The following TSPAN11 variants were observed in gnomAD, a reference collection of about 807,000 sequenced individuals.
TSPAN11 encodes tetraspanin 11.
In TSPAN11, 29 loss-of-function variants were observed where a neutral mutation model predicts 32.9. That is an observed-to-expected ratio of 0.88 (90% CI 0.66 to 1.20). The LOEUF is 1.20. Among genes scored for constraint, TSPAN11 ranks in the 50% most tolerant of loss-of-function variants. The pLI, the probability that TSPAN11 is intolerant of heterozygous loss-of-function variation, is 0.00. For synonymous variants in TSPAN11, 140 were observed against 141.3 expected, an observed-to-expected ratio of 0.99 and a Z score of 0.07; for missense variants, 283 against 329.1, an observed-to-expected ratio of 0.86 and a Z score of 1.08.
chr12:31,006,805 A>G, the TSPAN11 span, among the ~76,000 whole-genome samples: 1 of 152,258 alleles, frequency 6.6e-6, no homozygotes, highest in African/African-American at 2.4e-5. Context: ...TTAGCCCAGT[A>G]TCCCTATGGC....
At chr12:30,935,217 TCTC>T (rs1242299622) in intron 1 of TSPAN11, among the ~76,000 whole-genome samples, 1 of 151,854 alleles carries the variant, frequency 6.6e-6, no homozygotes, top group African/African-American at 2.4e-5. Context: ...GAGTGGCTCT[TCTC>T]CACAGAAATC....
chr12:31,007,560 G>C, the TSPAN11 span, among the ~76,000 whole-genome samples: 7 of 152,118 alleles, frequency 4.6e-5, no homozygotes, highest in East Asian at 1.9e-4. Flanking sequence ...TCCTGGGGTT[G>C]GGTGTCACTG....
At chr12:31,001,457 G>A (rs1021793548), downstream of TSPAN11, among the ~76,000 whole-genome samples, 1 of 152,166 alleles carries the variant, frequency 6.6e-6, no homozygotes, top group African/African-American at 2.4e-5. Context: ...CTGCAATCAT[G>A]TTCACTCTTC....
intron 3 of TSPAN11, 77 bp downstream of exon 3, chr12:30,964,094 C>T (rs1938677510): frequency 1.3e-6 from 2 of 1,533,322 alleles, no homozygotes; most frequent in African/African-American, 1.4e-5. Context: ...GTGAGAGGGG[C>T]CCCAGCCCTG....
At chr12:31,006,541 T>TG in the TSPAN11 span, among the ~76,000 whole-genome samples, 2 of 152,250 alleles carry the variant, frequency 1.3e-5, no homozygotes, top group African/African-American at 4.8e-5. Flanking sequence ...ATCCCCAGAC[T>TG]GGGGCCTCAC....
At chr12:30,963,159 G>A (rs1399044231) in intron 2 of TSPAN11, among the ~76,000 whole-genome samples, 1 of 152,184 alleles carries the variant, frequency 6.6e-6, no homozygotes, top group African/African-American at 2.4e-5. Flanking sequence ...GCTCCAGCCT[G>A]TCAAGAACCC....
intron 1 of TSPAN11, among the ~76,000 whole-genome samples, chr12:30,927,552 C>T (rs1937827124): frequency 1.3e-5 from 2 of 151,412 alleles, no homozygotes; most frequent in South Asian, 4.2e-4. Context: ...TTCCAGAGGT[C>T]TCCAGTTCGT....
intron 7 of TSPAN11, among the ~76,000 whole-genome samples, chr12:30,983,731 C>G (rs1939144814): frequency 6.6e-6 from 1 of 152,204 alleles, no homozygotes; most frequent in African/African-American, 2.4e-5. Flanking sequence ...ACCTTGTCAT[C>G]ATTCCCTGGG....
intron 1 of TSPAN11, among the ~76,000 whole-genome samples, chr12:30,932,470 C>T (rs895916059): frequency 3.9e-5 from 6 of 152,158 alleles, no homozygotes; most frequent in South Asian, 2.1e-4. Flanking sequence ...ATGCACTCAA[C>T]GTCGCTAACT....
intron 1 of TSPAN11, among the ~76,000 whole-genome samples, chr12:30,939,815 CCT>C (rs1008642167): frequency 3.5e-4 from 53 of 152,316 alleles, no homozygotes; most frequent in African/African-American, 1.2e-3. Flanking sequence ...AGGTCTCACT[CCT>C]CTAAGGAAGG....
intron 3 of TSPAN11, among the ~76,000 whole-genome samples, chr12:30,965,425 T>TCTAAA (rs1565797221): frequency 6.6e-6 from 1 of 152,066 alleles, no homozygotes; most frequent in African/African-American, 2.4e-5. Flanking sequence ...GACTCACCTC[T>TCTAAA]GGACAGCCCA....
chr12:30,951,313 T>C (rs1938376580), intron 1 of TSPAN11, among the ~76,000 whole-genome samples: 1 of 152,194 alleles, frequency 6.6e-6, no homozygotes, highest in African/African-American at 2.4e-5. Context: ...CTGTTCCAGG[T>C]GACTAAGTAT....
At chr12:30,968,756 G>A (rs776776612) in intron 3 of TSPAN11, among the ~76,000 whole-genome samples, 1 of 152,294 alleles carries the variant, frequency 6.6e-6, no homozygotes. Context: ...AAAGTAAGAA[G>A]TTCTAAAAAC....
chr12:30,946,406 G>A (rs7315783), intron 1 of TSPAN11, among the ~76,000 whole-genome samples: 15,465 of 152,094 alleles, frequency 0.1, 2,171 homozygotes, highest in African/African-American at 0.32. Flanking sequence ...CAAACACCCC[G>A]AGAAGACAGT....
chr12:30,947,044 G>T (rs1279902759), intron 1 of TSPAN11, among the ~76,000 whole-genome samples: 1 of 152,202 alleles, frequency 6.6e-6, no homozygotes, highest in Non-Finnish European at 1.5e-5. Flanking sequence ...ACTCCCCAGA[G>T]CTCAGTGAAA....
At chr12:31,011,593 C>T in the TSPAN11 span, among the ~76,000 whole-genome samples, 2 of 152,208 alleles carry the variant, frequency 1.3e-5, no homozygotes, top group Non-Finnish European at 2.9e-5. Flanking sequence ...AGACACCTCC[C>T]ATCACAGCGC....
At chr12:30,927,139 G>A in intron 1 of TSPAN11, 1 of 771,186 alleles carries the variant, frequency 1.3e-6, no homozygotes, top group Non-Finnish European at 1.8e-6. Context: ...CCCGGGGCAT[G>A]TCTGTTCCTC....
intron 7 of TSPAN11, among the ~76,000 whole-genome samples, chr12:30,983,772 T>A (rs1332578470): frequency 6.6e-6 from 1 of 152,186 alleles, no homozygotes; most frequent in Non-Finnish European, 1.5e-5. Flanking sequence ...TTACGTAGCA[T>A]TTACACTGTA....
intron 3 of TSPAN11, among the ~76,000 whole-genome samples, chr12:30,971,112 C>T (rs1938841387): frequency 6.6e-6 from 1 of 152,166 alleles, no homozygotes; most frequent in Non-Finnish European, 1.5e-5. Flanking sequence ...TGTTGATGCC[C>T]TGTTCTGAGA....
Sources: gnomAD v4.1 joint callset for allele counts (sites outside exome capture counted in the v4.1 genomes callset) on GRCh38, gnomAD v4.1.1 for gene constraint, MANE v1.5 for transcripts, NCBI Gene and HGNC (gene_info 2026-07-23, HGNC 2026-07-21) for gene names.